CEP85: variants seen among roughly 807,000 people sequenced by gnomAD.
CEP85 encodes centrosomal protein 85, also known as centrosomal protein of 85 kDa.
Under a neutral mutation model 93.7 loss-of-function variants are expected in CEP85, and 58 were observed. The ratio of observed to expected loss-of-function variants is 0.62; its 90% CI spans 0.50 to 0.77. The LOEUF is 0.77. Among genes scored for constraint, CEP85 ranks in the 30% least tolerant of loss-of-function variants. CEP85 has a pLI of 0.00. For missense variants in CEP85, 868 were observed against 922.0 expected (o/e 0.94, Z 0.76); for synonymous variants, 314 against 338.6 (o/e 0.93, Z 0.80).
chr1:26,272,617 ATTTTT>A (rs397861910), intron 11 of CEP85, among the ~76,000 whole-genome samples: 45 of 89,680 alleles, frequency 5.0e-4, no homozygotes, highest in Non-Finnish European at 6.9e-4. Flanking sequence ...CTATTACAGC[ATTTTT>A]TTTTTTTTTT....
intron 4 of CEP85, among the ~76,000 whole-genome samples, chr1:26,256,309 G>T (rs2089700199): frequency 6.6e-6 from 1 of 152,100 alleles, no homozygotes; most frequent in Non-Finnish European, 1.5e-5. Flanking sequence ...ATTTTGGGAG[G>T]CCGAGGCGGG....
At chr1:26,252,492 A>G (rs2089634892) in intron 3 of CEP85, among the ~76,000 whole-genome samples, 1 of 152,218 alleles carries the variant, frequency 6.6e-6, no homozygotes, top group African/African-American at 2.4e-5. Context: ...AGATCGCGCC[A>G]TTGCACTCCA....
chr1:26,267,436 T>C (rs1570032976), intron 7 of CEP85, among the ~76,000 whole-genome samples: 1 of 152,058 alleles, frequency 6.6e-6, no homozygotes, highest in Non-Finnish European at 1.5e-5. Context: ...TGGTGGCGGG[T>C]GCCTGTAATC....
intron 7 of CEP85, among the ~76,000 whole-genome samples, chr1:26,265,671 G>A (rs2089882646): frequency 6.6e-6 from 1 of 152,186 alleles, no homozygotes; most frequent in African/African-American, 2.4e-5. Context: ...AGGCTCTTGA[G>A]AATTGGGAGG....
intron 3 of CEP85, among the ~76,000 whole-genome samples, chr1:26,251,253 T>TG (rs1304485819): frequency 7.4e-6 from 1 of 134,820 alleles, no homozygotes; most frequent in East Asian, 2.1e-4. Flanking sequence ...CAAGCTTGGT[T>TG]TTTTTTTTTT....
intron 3 of CEP85, among the ~76,000 whole-genome samples, chr1:26,247,200 G>A (rs1352215169): frequency 2.0e-5 from 3 of 152,114 alleles, no homozygotes; most frequent in African/African-American, 4.8e-5. Flanking sequence ...CTAGGGCTTC[G>A]GAAGCTGGTG....
At chr1:26,249,081 CTT>C (rs763550564) in intron 3 of CEP85, among the ~76,000 whole-genome samples, 1 of 151,282 alleles carries the variant, frequency 6.6e-6, no homozygotes, top group East Asian at 2.0e-4. Context: ...AATCTTAACT[CTT>C]TTTGTGTGTT....
chr1:26,251,565 A>G lies in CEP85; in HGVS notation c.209-3606A>G, dbSNP rs2089616213. The stretch of plus-strand genomic sequence containing the variant: ...CATGCCCGGCCCCAAGCTTGCTTTT[A>G]TAACAACCCACTGCTTTGAGAACTA... On this transcript the variant is annotated intron_variant, in intron 3 of 13. Transcript: ENST00000451429. Among the ~76,000 whole-genome samples, 3 of 152,086 alleles carry G rather than the reference A, an allele frequency of 2.0e-5. No individual in the cohort carries two copies. The South Asian group carries it at 6.2e-4, about 32-fold the overall frequency.
chr1:26,272,986 T>G (rs1222293356), intron 11 of CEP85, among the ~76,000 whole-genome samples: 1 of 152,074 alleles, frequency 6.6e-6, no homozygotes, highest in Non-Finnish European at 1.5e-5. Flanking sequence ...GGCTCAAGTG[T>G]GGAAGATTGG....
In CEP85 at chr1:26,276,595, C is replaced by G. The variant is rs748004547; in HGVS notation, c.1963C>G (p.Gln655Glu). The G allele has an allele frequency of 6.2e-7, 1 of 1,614,088 alleles. No homozygotes were observed. The highest frequency in any genetic ancestry group is 1.3e-5 in the African/African-American group (1 of 74,926). Reference sequence around the variant, plus strand: ...TCTGACACTCCAGGAACACCTGCGCCAGGCCCAACCAGGGTCTCCACCTTC... The same window carrying G: ...TCTGACACTCCAGGAACACCTGCGCGAGGCCCAACCAGGGTCTCCACCTTC... Reference protein sequence around the residue: ...KNLTLQEHLRQAQPGSPPSPD... With the variant: ...KNLTLQEHLREAQPGSPPSPD... Residue 655 changes from glutamine (Q) to glutamate (E), a missense_variant, in exon 13 of 14, where the codon CAG becomes GAG. Coordinates refer to ENST00000451429, the MANE Select transcript of CEP85 (RefSeq NM_001319944.2).
Position 26,244,062 on chromosome 1 carries a change from G to A in CEP85, c.56-104G>A, listed in dbSNP as rs2089471087. ...ATAGGCACAGGAGAGAGAAAGGGGT[G>A]GGTTGCTGCTATTCTCTTAGGTTTA... On this transcript the variant is annotated intron_variant, in intron 2 of 13. Transcript: ENST00000451429. 3.1e-6 allele frequency: 3 copies of A among 966,802 alleles called. No individual in the cohort carries two copies. In the Admixed American group the frequency reaches 8.4e-5, roughly 27 times the overall value. The allele number at this position is 966,802 out of a possible 1,614,324, so 59.9% of individuals were successfully genotyped here.
At chr1:26,274,021 CA>C (rs1302195482) in intron 11 of CEP85, among the ~76,000 whole-genome samples, 3 of 36,864 alleles carry the variant, frequency 8.1e-5, no homozygotes, top group African/African-American at 3.0e-4. Context: ...TTTTCCTTAG[CA>C]GTTTTTTTTT....
chr1:26,266,495 G>A (rs909631308), intron 7 of CEP85, among the ~76,000 whole-genome samples: 1 of 152,244 alleles, frequency 6.6e-6, no homozygotes, highest in Non-Finnish European at 1.5e-5. Flanking sequence ...AGGGAGAAGA[G>A]ATAAACATTT....
At position 26,258,168 on chromosome 1, in the gene CEP85, G is replaced by A; in HGVS notation, c.1063G>A (p.Glu355Lys). 6.2e-7 allele frequency: 1 copy of A among 1,614,096 alleles called. No individual in the cohort carries two copies. The stretch of plus-strand genomic sequence containing the variant: ...GCAGAGGAAACACATCTCTCAGCTG[G>A]AGCAGAAAGTGCGAGAGAGCGAACT... Reference protein sequence around the residue: ...DKQRKHISQLEQKVRESELQV... With the variant: ...DKQRKHISQLKQKVRESELQV... The change falls in exon 6 of 14, where the codon GAG becomes AAG. Residue 355 changes from glutamate to lysine, a missense_variant. Transcript: ENST00000451429.
chr1:26,260,130 C>T (rs781451301), intron 7 of CEP85, among the ~76,000 whole-genome samples: 16 of 152,164 alleles, frequency 1.1e-4, no homozygotes, highest in Non-Finnish European at 1.5e-4. Flanking sequence ...GGCACTGTTG[C>T]AAAATACACC....
rs2089686607 is a variant in CEP85 at position 26,255,654 on chromosome 1, G to A, written c.692G>A (p.Ser231Asn). 1 of 1,613,962 alleles carries A rather than the reference G, an allele frequency of 6.2e-7. No homozygotes were observed. The highest frequency in any genetic ancestry group is 1.3e-5 in the African/African-American group (1 of 74,914). Residue 231 changes from serine to asparagine, a missense_variant, in exon 4 of 14, where the codon AGC (serine) becomes AAC (asparagine). Coordinates refer to ENST00000451429, the MANE Select transcript of CEP85 (RefSeq NM_001319944.2). ...VLPEAKKAPG[S>N]GAVFERNGPH... is the part of the protein sequence containing the mutation. ...CCTGAGGCCAAGAAGGCACCGGGCA[G>A]CGGGGCAGTGTTTGAGCGGAATGGA...
In CEP85 at chr1:26,259,688, G is replaced by A; in HGVS notation, c.1227G>A (p.Lys409=). 1 of 1,614,120 alleles carries A rather than the reference G, an allele frequency of 6.2e-7. No individual in the cohort carries two copies. The highest frequency in any genetic ancestry group is 1.1e-5 in the South Asian group (1 of 91,078). Residue 409 remains lysine (K), a synonymous_variant, in exon 7 of 14, where the codon AAG becomes AAA. Coordinates refer to ENST00000451429, the MANE Select transcript of CEP85 (RefSeq NM_001319944.2). Reference sequence around the variant, plus strand: ...AGACAGAAGCCTTGAGCAGAGAAAAGATTGACCTTGAAAAGAAACTCTCTG... The same window carrying A: ...AGACAGAAGCCTTGAGCAGAGAAAAAATTGACCTTGAAAAGAAACTCTCTG... ...AQKTEALSRE[K]IDLEKKLSAS...
chr1:26,255,613 G>A lies in CEP85; in HGVS notation c.651G>A (p.Glu217=). ...ACCCAAGAACCAGCACAAGTAAGGA[G>A]TTGTACAGAGTGTTGCCTGAGGCCA... The part of the protein sequence containing the change: ...FHNPRTSTSK[E]LYRVLPEAKK... The change falls in exon 4 of 14, where the codon GAG becomes GAA. Residue 217 remains glutamate (E), a synonymous_variant. Coordinates refer to ENST00000451429, the MANE Select transcript of CEP85 (RefSeq NM_001319944.2). 1 of 1,614,100 alleles carries A rather than the reference G, an allele frequency of 6.2e-7. No homozygotes were observed. The highest frequency in any genetic ancestry group is 8.5e-7 in the Non-Finnish European group (1 of 1,180,014).
intron 2 of CEP85, among the ~76,000 whole-genome samples, chr1:26,242,663 C>T (rs937608158): frequency 1.3e-5 from 2 of 152,112 alleles, no homozygotes; most frequent in Non-Finnish European, 2.9e-5. Flanking sequence ...GTCCAAATTA[C>T]TTTGGGCGTA....
Sources: allele counts gnomAD v4.1 joint callset (sites outside exome capture counted in the v4.1 genomes callset), GRCh38; gene constraint gnomAD v4.1.1; transcripts MANE v1.5; gene names NCBI Gene and HGNC (gene_info 2026-07-23, HGNC 2026-07-21).